The following LRCH3 variants were observed in gnomAD, a reference collection of about 807,000 sequenced individuals.
LRCH3 encodes the protein leucine rich repeats and calponin homology domain containing 3.
LRCH3 carries 68 observed loss-of-function variants against 104.5 expected under a neutral mutation model. The observed-to-expected ratio is 0.65, with a 90% confidence interval of 0.54 to 0.80. The LOEUF is 0.80. Ranked by LOEUF, LRCH3 falls within the 30% of genes least tolerant of loss-of-function variation. The pLI is 0.00. For synonymous variants in LRCH3, 344 were observed against 361.3 expected (o/e 0.95, Z 0.54); for missense variants, 951 against 953.9 (o/e 1.00, Z 0.04).
At chr3:197,870,091 G>A in intron 17 of LRCH3, 69 bp from the exon 18 acceptor site, 1 of 1,522,014 alleles carries the variant, frequency 6.6e-7, no homozygotes, top group East Asian at 2.3e-5. Context: ...AAACTGTGAT[G>A]AGGCAGAGCC....
intron 1 of LRCH3, 64 bp downstream of exon 1, chr3:197,791,604 G>C (rs182265337): frequency 2.5e-5 from 36 of 1,469,338 alleles, no homozygotes; most frequent in Non-Finnish European, 3.0e-5. Context: ...CCCCGGCCGG[G>C]GGAGGCGGAT....
At chr3:197,816,628 T>G (rs1252336719) in intron 2 of LRCH3, among the ~76,000 whole-genome samples, 1 of 152,204 alleles carries the variant, frequency 6.6e-6, no homozygotes, top group African/African-American at 2.4e-5. Context: ...TGCATGTTTT[T>G]GTATAAATAA....
chr3:197,835,634 GGTGTGTGT>G (rs372783553), intron 8 of LRCH3, 32 bp from the exon 9 acceptor site: 5 of 1,324,666 alleles, frequency 3.8e-6, no homozygotes, highest in African/African-American at 3.0e-5. Context: ...GTTTTTTTCT[GGTGTGTGT>G]GTGTGTGTGG....
chr3:197,876,905 G>A (rs879791073), intron 20 of LRCH3, among the ~76,000 whole-genome samples: 4 of 98,122 alleles, frequency 4.1e-5, no homozygotes, highest in Non-Finnish European at 8.3e-5. Context: ...CCAACTCACC[G>A]CACCCATGGC....
chr3:197,879,403 T>G (rs973112338), intron 20 of LRCH3, among the ~76,000 whole-genome samples: 1 of 152,018 alleles, frequency 6.6e-6, no homozygotes, highest in South Asian at 2.1e-4. Context: ...TCCCAGCACT[T>G]TGGGAGGCCG....
In LRCH3 at chr3:197,871,323, A is replaced by G; in HGVS notation, c.1993-2A>G. 1 of 1,606,948 alleles carries G rather than the reference A, an allele frequency of 6.2e-7. No homozygotes were observed. The highest frequency in any genetic ancestry group is 8.5e-7 in the Non-Finnish European group (1 of 1,174,432). ...TCTATTACATGTTTTTTGTTCTTTCAGCATATTGAGTACCGGTTGAAAGTG... is the reference window on the plus strand; with the variant it reads ...TCTATTACATGTTTTTTGTTCTTTCGGCATATTGAGTACCGGTTGAAAGTG... On this transcript the variant is annotated splice_acceptor_variant, in intron 18 of 20. Coordinates refer to ENST00000425562, the MANE Select transcript of LRCH3 (RefSeq NM_001365715.1). LOFTEE classifies it high-confidence loss of function.
intron 4 of LRCH3, among the ~76,000 whole-genome samples, chr3:197,820,635 T>A (rs1211410815): frequency 6.6e-6 from 1 of 151,748 alleles, no homozygotes; most frequent in African/African-American, 2.4e-5. Flanking sequence ...ATATAGGGAG[T>A]CTGTCTCTAC....
Position 197,870,203 on chromosome 3 carries a change from T to G in LRCH3, c.1917T>G (p.Asp639Glu), listed in dbSNP as rs760184129. ...CTCCATCTGCTGCACCTACCACTGA[T>G]TCTACAGATTCCATAACAGGACAGA... ...PLPPSAAPTT[D>E]STDSITGQNS... Residue 639 changes from aspartate to glutamate, a missense_variant, in exon 18 of 21, where the codon GAT becomes GAG. Asp to Glu is a conservative substitution (Grantham distance 45). Coordinates refer to ENST00000425562, the MANE Select transcript of LRCH3 (RefSeq NM_001365715.1). 3 of 1,612,988 alleles carry G rather than the reference T, an allele frequency of 1.9e-6. No homozygotes were observed. The highest frequency in any genetic ancestry group is 1.7e-5 in the Admixed American group (1 of 60,008).
chr3:197,844,675 T>A (rs533068652), intron 10 of LRCH3, among the ~76,000 whole-genome samples: 38 of 152,158 alleles, frequency 2.5e-4, no homozygotes, highest in African/African-American at 7.7e-4. Context: ...TGGAGTGCAG[T>A]GGCGCGATCT....
chr3:197,839,506 T>A, intron 10 of LRCH3, 109 bp downstream of exon 10: 1 of 604,912 alleles, frequency 1.7e-6, no homozygotes, highest in South Asian at 2.5e-5. Context: ...ACATGGCATG[T>A]ATTTAGAACT....
rs899870265 is a variant in LRCH3 at position 197,883,051 on chromosome 3, G to A, written c.2209-490G>A. The A allele has an allele frequency of 4.4e-5, 43 of 985,446 alleles. No homozygotes were observed. The highest frequency in any genetic ancestry group is 4.9e-5 in the Non-Finnish European group (41 of 830,080). The allele number at this position is 985,446 out of a possible 1,614,324, so 61.0% of individuals were successfully genotyped here. The stretch of plus-strand genomic sequence containing the variant: ...TTTTCACAGTCAGGATTATAATGCA[G>A]ATAGCGTAGAACTCATGCAGGCTGA... On this transcript the variant is annotated intron_variant, in intron 20 of 20. Transcript: ENST00000425562. The surrounding 1 kb of genome is among the most constrained non-coding windows in gnomAD (Gnocchi z 4.2).
Position 197,835,763 on chromosome 3 carries a change from C to A in LRCH3, c.1192C>A (p.Pro398Thr), listed in dbSNP as rs1736702501. The A allele has an allele frequency of 6.2e-7, 1 of 1,613,882 alleles. No individual in the cohort carries two copies. Among genetic ancestry groups the A allele is most frequent in the South Asian group, 1.1e-5 (1 of 91,078 alleles). Reference sequence around the variant, plus strand: ...GGTGAGACAGCCCAAGGGACCAGACCCAGACAGCCTTAGTTCACAGTTTAT... The same window carrying A: ...GGTGAGACAGCCCAAGGGACCAGACACAGACAGCCTTAGTTCACAGTTTAT... ...AEVRQPKGPD[P>T]DSLSSQFMAY... The change falls in exon 9 of 21, where the codon CCA becomes ACA. Residue 398 changes from proline to threonine, a missense_variant. Physicochemically the swap from Pro to Thr is conservative, Grantham distance 38. Transcript: ENST00000425562.
intron 8 of LRCH3, among the ~76,000 whole-genome samples, chr3:197,834,945 A>T (rs191285005): frequency 6.6e-6 from 1 of 152,056 alleles, no homozygotes; most frequent in Non-Finnish European, 1.5e-5. Flanking sequence ...GGAGTTGGAG[A>T]CCAGCCTGGC....
chr3:197,812,116 T>C (rs1366828738), intron 1 of LRCH3, among the ~76,000 whole-genome samples: 2 of 152,176 alleles, frequency 1.3e-5, no homozygotes, highest in African/African-American at 4.8e-5. Context: ...ACCAACTAAA[T>C]CCACTTCCAG....
chr3:197,874,104 AT>A (rs111690546), intron 19 of LRCH3, among the ~76,000 whole-genome samples: 8 of 151,892 alleles, frequency 5.3e-5, no homozygotes, highest in African/African-American at 1.9e-4. Context: ...TGGGTAATTA[AT>A]TTTTTTGGCT....
intron 1 of LRCH3, among the ~76,000 whole-genome samples, chr3:197,796,678 C>A (rs907294571): frequency 1.3e-5 from 2 of 152,076 alleles, no homozygotes; most frequent in African/African-American, 4.8e-5. Context: ...CTATTTTTGA[C>A]CCCATTTTAC....
At chr3:197,819,266 C>T (rs1210023654) in intron 3 of LRCH3, among the ~76,000 whole-genome samples, 2 of 151,902 alleles carry the variant, frequency 1.3e-5, no homozygotes, top group South Asian at 2.1e-4. Flanking sequence ...TTTCAACATA[C>T]GTATTTTCTG....
intron 15 of LRCH3, among the ~76,000 whole-genome samples, chr3:197,860,738 T>C (rs1216173368): frequency 2.6e-5 from 4 of 152,180 alleles, no homozygotes; most frequent in African/African-American, 7.2e-5. Context: ...CATTTATCCT[T>C]TGTGTTACAA....
At chr3:197,792,577 T>TTTTATATATATATATATATATATATATA (rs1553912028) in intron 1 of LRCH3, among the ~76,000 whole-genome samples, 6 of 20,342 alleles carry the variant, frequency 2.9e-4, no homozygotes, top group African/African-American at 7.0e-4. Context: ...CCAGCTAATT[T>TTTTATATATATATATATATATATATATA]TATATATATA....
Sources: gnomAD v4.1 joint callset for allele counts (sites outside exome capture counted in the v4.1 genomes callset) on GRCh38, gnomAD v4.1.1 for gene constraint, Gnocchi (gnomAD v3.1) non-coding constraint, MANE v1.5 for transcripts, NCBI Gene and HGNC (gene_info 2026-07-23, HGNC 2026-07-21) for gene names.